Variants in FAM81A observed in about 807,000 individuals in gnomAD.
FAM81A encodes family with sequence similarity 81 member A.
FAM81A carries 19 observed loss-of-function variants against 46.7 expected under a neutral mutation model. That is an observed-to-expected ratio of 0.41 (90% confidence interval 0.28 to 0.60). The LOEUF (loss-of-function observed/expected upper bound fraction) is 0.60. Among genes scored for constraint, FAM81A ranks in the 20% least tolerant of loss-of-function variants. FAM81A has a pLI of 0.34. For missense variants in FAM81A, 377 were observed against 453.5 expected (o/e 0.83, Z 1.53); for synonymous variants, 183 against 152.9 (o/e 1.20, Z -1.45).
At chr15:59,445,653 T>C (rs1015221663) in intron 1 of FAM81A, 2 of 152,216 alleles carry the variant, frequency 1.3e-5, no homozygotes, top group Non-Finnish European at 2.9e-5. Context: ...CCTAAATTCT[T>C]AGCTTTTCAG....
Position 59,507,333 on chromosome 15 carries a change from A to G in FAM81A, c.534A>G (p.Ala178=). The G allele has an allele frequency of 1.9e-6, 3 of 1,612,204 alleles. No individual in the cohort carries two copies. Among genetic ancestry groups the G allele is most frequent in the Non-Finnish European group, 2.5e-6 (3 of 1,179,082 alleles). Residue 178 remains alanine (A), a synonymous_variant, in exon 5 of 9, where the codon GCA becomes GCG. Coordinates refer to ENST00000288228, the MANE Select transcript of FAM81A (RefSeq NM_152450.3). ...TCTTGGAAACGAAAATCAAAGATGC[A>G]GAGGGACAGGTACGACCTGTTTCAG... is the stretch of plus-strand genomic sequence containing the variant. The part of the protein sequence containing the change: ...KLILETKIKD[A]EGQISQLLNR...
intron 4 of FAM81A, 46 bp from the exon 5 acceptor site, chr15:59,507,167 G>A: frequency 6.3e-7 from 1 of 1,576,930 alleles, no homozygotes; most frequent in Non-Finnish European, 8.6e-7. Flanking sequence ...TTTGCGCATT[G>A]TTTTTAAACT....
intron 2 of FAM81A, among the ~76,000 whole-genome samples, chr15:59,412,407 G>A (rs2081125124): frequency 6.6e-6 from 1 of 152,122 alleles, no homozygotes; most frequent in Non-Finnish European, 1.5e-5. Context: ...CTGGTTTTTG[G>A]ATTAATCAAA....
chr15:59,413,293 G>T (rs141088061), intron 2 of FAM81A, among the ~76,000 whole-genome samples: 317 of 152,196 alleles, frequency 2.1e-3, no homozygotes, highest in African/African-American at 7.2e-3. Flanking sequence ...TAGGGTGGGT[G>T]TGTGGTAGCC....
chr15:59,449,674 C>T (rs1358364057), intron 1 of FAM81A, among the ~76,000 whole-genome samples: 5 of 147,166 alleles, frequency 3.4e-5, no homozygotes, highest in East Asian at 2.1e-4. Flanking sequence ...CCCAGCTACG[C>T]GGGAGGCTGA....
At chr15:59,432,960 C>T (rs1157209219) in intron 2 of FAM81A, among the ~76,000 whole-genome samples, 1 of 139,578 alleles carries the variant, frequency 7.2e-6, no homozygotes, top group South Asian at 2.3e-4. Context: ...ACGGTGAAAC[C>T]CCGTCTCTAT....
chr15:59,429,855 T>G (rs577895239), intron 2 of FAM81A, among the ~76,000 whole-genome samples: 5 of 152,306 alleles, frequency 3.3e-5, no homozygotes, highest in African/African-American at 1.2e-4. Flanking sequence ...ATGTAATAGA[T>G]GTAGGCAGAA....
intron 1 of FAM81A, among the ~76,000 whole-genome samples, chr15:59,398,058 C>G (rs1367946214): frequency 3.3e-5 from 5 of 152,248 alleles, no homozygotes; most frequent in African/African-American, 9.6e-5. Flanking sequence ...CAATCCTAAC[C>G]ATAGCATCAC....
intron 4 of FAM81A, among the ~76,000 whole-genome samples, chr15:59,494,772 G>A (rs886068670): frequency 6.6e-6 from 1 of 152,074 alleles, no homozygotes; most frequent in Admixed American, 6.6e-5. Flanking sequence ...CATTTTAAGT[G>A]GTATTCTTAA....
intron 3 of FAM81A, among the ~76,000 whole-genome samples, chr15:59,470,753 T>C (rs2141676865): frequency 6.6e-6 from 1 of 152,280 alleles, no homozygotes; most frequent in East Asian, 1.9e-4. Context: ...AAATCACCCG[T>C]CTTCTGCATT....
At chr15:59,412,250 C>T (rs2081124257) in intron 2 of FAM81A, among the ~76,000 whole-genome samples, 1 of 151,934 alleles carries the variant, frequency 6.6e-6, no homozygotes, top group South Asian at 2.1e-4. Context: ...AAATTTGGGG[C>T]AGTTTAGTGT....
intron 4 of FAM81A, among the ~76,000 whole-genome samples, chr15:59,502,082 G>T (rs1199199618): frequency 2.0e-5 from 3 of 151,440 alleles, no homozygotes; most frequent in Admixed American, 6.6e-5. Flanking sequence ...CACATTTACT[G>T]TATTATTCTT....
chr15:59,514,398 C>G lies in FAM81A; in HGVS notation c.760C>G (p.Leu254Val), dbSNP rs765796079. The change falls in exon 7 of 9, where the codon CTT becomes GTT. Residue 254 changes from leucine to valine, a missense_variant. Transcript: ENST00000288228. ...AGAGCTTTTACAGAAAATTGATCAG[C>G]TTTCCTTGATTGTTAAGGAAAACAG... The part of the protein sequence containing the change: ...EKELLQKIDQ[L>V]SLIVKENSGA... The G allele has an allele frequency of 2.0e-5, 32 of 1,612,276 alleles. No homozygotes were observed. Among genetic ancestry groups the G allele is most frequent in the African/African-American group, 4.0e-5 (3 of 74,724 alleles).
At chr15:59,413,378 A>G (rs2081130764) in intron 2 of FAM81A, among the ~76,000 whole-genome samples, 2 of 149,356 alleles carry the variant, frequency 1.3e-5, no homozygotes, top group South Asian at 4.2e-4. Flanking sequence ...GGAACTGACC[A>G]TCTCTAGCCA....
At chr15:59,414,281 T>C (rs1182856229) in intron 2 of FAM81A, among the ~76,000 whole-genome samples, 1 of 152,108 alleles carries the variant, frequency 6.6e-6, no homozygotes, top group Admixed American at 6.6e-5. Context: ...AACTAGTGAA[T>C]ATGCTACTGT....
At chr15:59,518,770 CTA>C (rs1289907916) in intron 8 of FAM81A, among the ~76,000 whole-genome samples, 12 of 151,562 alleles carry the variant, frequency 7.9e-5, no homozygotes, top group Non-Finnish European at 1.3e-4. Context: ...CTTTTCCAGT[CTA>C]GTGTCTTTTT....
chr15:59,440,053 T>C (rs1388120319), intron 1 of FAM81A: 1 of 152,250 alleles, frequency 6.6e-6, no homozygotes, highest in Admixed American at 6.5e-5. Flanking sequence ...AGAGTAGGGA[T>C]GCTCTTCCGC....
chr15:59,442,635 A>G (rs1490392335), intron 1 of FAM81A, among the ~76,000 whole-genome samples: 2 of 151,198 alleles, frequency 1.3e-5, no homozygotes, highest in African/African-American at 4.8e-5. Context: ...AAAAAAAAAA[A>G]AAAAAGAAAA....
intron 1 of FAM81A, among the ~76,000 whole-genome samples, chr15:59,447,604 G>A (rs1341250236): frequency 6.6e-6 from 1 of 152,152 alleles, no homozygotes; most frequent in East Asian, 1.9e-4. Flanking sequence ...TATTAGCATT[G>A]GTCTTTCCTT....
Sources: allele counts gnomAD v4.1 joint callset (sites outside exome capture counted in the v4.1 genomes callset), GRCh38; gene constraint gnomAD v4.1.1; transcripts MANE v1.5; gene names NCBI Gene and HGNC (gene_info 2026-07-23, HGNC 2026-07-21).